NUP210L: variants seen among roughly 807,000 people sequenced by gnomAD.
The protein encoded by NUP210L is nuclear pore membrane glycoprotein 210-like.
In NUP210L, 74 loss-of-function variants were observed where a neutral mutation model predicts 208.5. The ratio of observed to expected loss-of-function variants is 0.35; its 90% CI spans 0.29 to 0.43. The LOEUF is 0.43. Among genes scored for constraint, NUP210L ranks in the 20% least tolerant of loss-of-function variants. The probability of loss-of-function intolerance (pLI) is 1.00; values close to 1 mark genes in which losing one functional copy is unlikely to be tolerated. For synonymous variants in NUP210L, 780 were observed against 816.9 expected (o/e 0.95, Z 0.77); for missense variants, 1,843 against 2,289.4 (o/e 0.81, Z 3.98).
chr1:154,080,471 C>T (rs1185723423), intron 16 of NUP210L, among the ~76,000 whole-genome samples: 1 of 151,556 alleles, frequency 6.6e-6, no homozygotes, highest in Non-Finnish European at 1.5e-5. Flanking sequence ...GTCAGGAATT[C>T]AGGAATTTGA....
intron 38 of NUP210L, among the ~76,000 whole-genome samples, chr1:153,993,903 T>A (rs184240130): frequency 1.7e-4 from 26 of 151,380 alleles, no homozygotes; most frequent in South Asian, 6.3e-4. Context: ...CTCAAAAAAA[T>A]TTTTTTTTAG....
chr1:154,113,673 T>C (rs545592128), intron 12 of NUP210L, among the ~76,000 whole-genome samples: 70 of 149,974 alleles, frequency 4.7e-4, no homozygotes, highest in African/African-American at 1.1e-3. Context: ...GCCTGGCCAA[T>C]ATGGTGAAAC....
intron 27 of NUP210L, 67 bp downstream of exon 27, chr1:154,046,002 A>T (rs1571209177): frequency 7.0e-7 from 1 of 1,433,008 alleles, no homozygotes; most frequent in East Asian, 2.5e-5. Flanking sequence ...AAAGAAACTT[A>T]TGATAAATTA....
intron 35 of NUP210L, among the ~76,000 whole-genome samples, chr1:154,004,494 C>T (rs537711821): frequency 6.6e-6 from 1 of 151,650 alleles, no homozygotes; most frequent in African/African-American, 2.4e-5. Flanking sequence ...CAGCCTCCCA[C>T]GTAGCTGGGA....
At chr1:154,094,718 C>T (rs1232634982) in intron 15 of NUP210L, among the ~76,000 whole-genome samples, 7 of 152,182 alleles carry the variant, frequency 4.6e-5, no homozygotes, top group Non-Finnish European at 5.9e-5. Flanking sequence ...TTGTTTAGTT[C>T]GTGAACTGCT....
Position 154,009,961 on chromosome 1 carries a change from G to C in NUP210L, c.4930+11C>G, listed in dbSNP as rs1349510893. The C allele has an allele frequency of 1.2e-6, 2 of 1,600,328 alleles. No individual in the cohort carries two copies. Among genetic ancestry groups the C allele is most frequent in the African/African-American group, 2.7e-5 (2 of 74,470 alleles). On this transcript the variant is annotated intron_variant, in intron 35 of 39. Coordinates refer to ENST00000368559, the Ensembl canonical transcript of NUP210L. ...AGAATGGGGAAACCAGATTCAACTG[G>C]TGTAACTTACCTTTCTCCATACTGA...
intron 10 of NUP210L, among the ~76,000 whole-genome samples, chr1:154,120,565 A>T (rs893731716): frequency 6.6e-6 from 1 of 151,728 alleles, no homozygotes; most frequent in Non-Finnish European, 1.5e-5. Flanking sequence ...AACATGGCAC[A>T]TGTATACATA....
chr1:154,012,733 C>T (rs893269805), intron 33 of NUP210L, among the ~76,000 whole-genome samples: 4 of 151,614 alleles, frequency 2.6e-5, no homozygotes, highest in Admixed American at 6.6e-5. Context: ...CAGCCGCGCG[C>T]GGTGGCTCAC....
intron 25 of NUP210L, among the ~76,000 whole-genome samples, chr1:154,049,645 A>G (rs1338529860): frequency 6.6e-6 from 1 of 152,208 alleles, no homozygotes. Flanking sequence ...GGAATTCTCC[A>G]GTCTTTGTTA....
intron 24 of NUP210L, 52 bp from the exon 25 acceptor site, chr1:154,054,459 T>A (rs1653698865): frequency 6.4e-7 from 1 of 1,566,154 alleles, no homozygotes; most frequent in Non-Finnish European, 8.8e-7. Context: ...AGAAATCATG[T>A]CTCTTTTCCC....
exon 17 of NUP210L, chr1:154,070,310 T>C (rs372003453): frequency 8.3e-5 from 134 of 1,611,054 alleles, no homozygotes; most frequent in Non-Finnish European, 9.9e-5. Flanking sequence ...CATCTTTTGC[T>C]ACCATTTCCA....
At chr1:154,042,903 G>A (rs1012912004) in intron 27 of NUP210L, among the ~76,000 whole-genome samples, 5 of 150,418 alleles carry the variant, frequency 3.3e-5, no homozygotes, top group African/African-American at 9.8e-5. Context: ...GTAGAGACGG[G>A]GTTTCGCCAT....
chr1:154,116,856 C>T (rs904377688), intron 12 of NUP210L, among the ~76,000 whole-genome samples: 2 of 151,966 alleles, frequency 1.3e-5, no homozygotes, highest in Admixed American at 6.6e-5. Flanking sequence ...ACTATAAAGG[C>T]CATTTAAAAA....
intron 29 of NUP210L, 38 bp from the exon 30 acceptor site, chr1:154,025,754 T>C: frequency 1.3e-6 from 2 of 1,588,310 alleles, no homozygotes; most frequent in Non-Finnish European, 1.7e-6. Context: ...CTTTTTGGGG[T>C]CCTGTCTGAC....
At chr1:154,061,704 G>T in intron 17 of NUP210L, 30 bp from the exon 18 acceptor site, 1 of 1,318,746 alleles carries the variant, frequency 7.6e-7, no homozygotes, top group Non-Finnish European at 1.1e-6. Context: ...TACCCTGTGA[G>T]AAACAATAAC....
At chr1:154,070,085 A>G (rs1376544186) in intron 17 of NUP210L, among the ~76,000 whole-genome samples, 188 bp downstream of exon 17, 2 of 152,180 alleles carry the variant, frequency 1.3e-5, no homozygotes, top group Non-Finnish European at 2.9e-5. Flanking sequence ...TAGCATCAGG[A>G]GAAATACCTA....
chr1:154,139,948 G>A, exon 5 of NUP210L: 2 of 1,603,232 alleles, frequency 1.2e-6, no homozygotes, highest in Non-Finnish European at 8.5e-7. Flanking sequence ...GAGTATTTAA[G>A]AATCCTAAAG....
At chr1:154,021,005 G>A (rs1417501451) in intron 32 of NUP210L, among the ~76,000 whole-genome samples, 3 of 151,534 alleles carry the variant, frequency 2.0e-5, no homozygotes, top group Non-Finnish European at 2.9e-5. Context: ...GCAGTGGCAC[G>A]ATCTCGGCTC....
At chr1:154,066,640 A>G (rs188276541) in intron 17 of NUP210L, among the ~76,000 whole-genome samples, 145 of 152,304 alleles carry the variant, frequency 9.5e-4, no homozygotes, top group African/African-American at 3.1e-3. Context: ...CAAAAAATCA[A>G]TGAATCCAGG....
Sources: allele counts gnomAD v4.1 joint callset (sites outside exome capture counted in the v4.1 genomes callset), GRCh38; gene constraint gnomAD v4.1.1; transcripts MANE v1.5; gene names NCBI Gene and HGNC (gene_info 2026-07-23, HGNC 2026-07-21).